Variants in CDH15 observed in about 807,000 individuals in gnomAD.
CDH15 encodes the protein cadherin-15.
Under a neutral mutation model 69.4 loss-of-function variants are expected in CDH15, and 73 were observed. The ratio of observed to expected loss-of-function variants is 1.05; its 90% confidence interval spans 0.87 to 1.28. CDH15 has a LOEUF of 1.28. Ranked by LOEUF, CDH15 falls within the 50% of genes most tolerant of loss-of-function variation. The probability of loss-of-function intolerance (pLI) is 0.00; values close to 1 mark genes in which losing one functional copy is unlikely to be tolerated. For synonymous variants in CDH15, 624 were observed against 507.7 expected (o/e 1.23, Z -3.08); for missense variants, 1,343 against 1,133.6 (o/e 1.18, Z -2.65).
intron 4 of CDH15, among the ~76,000 whole-genome samples, chr16:89,184,963 A>C (rs1251474174): frequency 6.6e-6 from 1 of 152,212 alleles, no homozygotes; most frequent in African/African-American, 2.4e-5. Context: ...GGTGGGCTTC[A>C]GGGGCAGCGG....
Position 89,195,283 on chromosome 16 carries a change from C to G in CDH15, c.*128C>G. 9.8e-7 allele frequency: 1 copy of G among 1,024,178 alleles called. No homozygotes were observed. Among genetic ancestry groups the G allele is most frequent in the Non-Finnish European group, 1.4e-6 (1 of 725,192 alleles). 63.4% of individuals were successfully genotyped at this position (1,024,178 alleles called of 1,614,324 possible). A position where few individuals can be genotyped will look rare whatever the true frequency, so the allele number is the denominator to read the frequency against. On this transcript the variant is annotated 3_prime_UTR_variant, in exon 14 of 14. Transcript: ENST00000289746. ...CAGCCTCCTTCCTGTAGGCGAGGGCCCAAGTCTGGGGGCAGAACCTGAGTG... is the reference window on the plus strand; with the variant it reads ...CAGCCTCCTTCCTGTAGGCGAGGGCGCAAGTCTGGGGGCAGAACCTGAGTG...
At chr16:89,177,535 A>T (rs1026332571) in intron 1 of CDH15, among the ~76,000 whole-genome samples, 2 of 151,760 alleles carry the variant, frequency 1.3e-5, no homozygotes, top group Non-Finnish European at 2.9e-5. Flanking sequence ...AGGACTAGGG[A>T]GGCACAGACA....
chr16:89,191,036 G>T (rs565490169), intron 8 of CDH15, among the ~76,000 whole-genome samples: 1 of 148,830 alleles, frequency 6.7e-6, no homozygotes, highest in South Asian at 2.2e-4. Flanking sequence ...TGGTACATGC[G>T]TGTGGTGTAT....
intron 1 of CDH15, among the ~76,000 whole-genome samples, chr16:89,175,569 G>A (rs1178160327): frequency 6.6e-6 from 1 of 152,234 alleles, no homozygotes; most frequent in African/African-American, 2.4e-5. Context: ...CCAAAGGGGA[G>A]GGGGAGAGGG....
intron 2 of CDH15, 79 bp from the exon 3 acceptor site, chr16:89,180,121 G>C (rs1025982338): frequency 6.0e-6 from 9 of 1,501,206 alleles, no homozygotes; most frequent in Non-Finnish European, 8.2e-6. Context: ...GTCAGCTGGG[G>C]AGGGGCCTGA....
rs775587182 is a variant in CDH15 at position 89,171,922 on chromosome 16, C to A, written c.42+49C>A. The A allele has an allele frequency of 4.8e-5, 73 of 1,512,138 alleles. 1 individual carries two copies. The South Asian group carries it at 8.5e-4, about 18-fold the overall frequency. The allele number at this position is 1,512,138 out of a possible 1,614,324, so 93.7% of individuals were successfully genotyped here. A position where few individuals can be genotyped will look rare whatever the true frequency, so the allele number is the denominator to read the frequency against. On this transcript the variant is annotated intron_variant, in intron 1 of 13. Transcript: ENST00000289746. Reference sequence around the variant, plus strand: ...GTCCCCGCTGCCTCCCTCGACGCTGCGGGACAGTGTCTTCAACTGCAGCCG... The same window carrying A: ...GTCCCCGCTGCCTCCCTCGACGCTGAGGGACAGTGTCTTCAACTGCAGCCG...
At chr16:89,181,344 G>A (rs1041411419) in intron 3 of CDH15, among the ~76,000 whole-genome samples, 1 of 152,192 alleles carries the variant, frequency 6.6e-6, no homozygotes, top group Non-Finnish European at 1.5e-5. Context: ...CGCCGGGCGC[G>A]GTGGCTCACA....
chr16:89,185,376 C>T, intron 5 of CDH15, 43 bp downstream of exon 5: 1 of 1,555,944 alleles, frequency 6.4e-7, no homozygotes, highest in Non-Finnish European at 8.7e-7. Flanking sequence ...ACGGCCAGGG[C>T]AGCCCATCTC....
chr16:89,188,832 A>T (rs915592054), intron 7 of CDH15, among the ~76,000 whole-genome samples: 9 of 91,590 alleles, frequency 9.8e-5, no homozygotes, highest in African/African-American at 4.0e-4. Context: ...ATGCCCACGC[A>T]CAGGTGCCCA....
intron 6 of CDH15, 97 bp downstream of exon 6, chr16:89,187,654 G>A: frequency 6.5e-7 from 1 of 1,534,876 alleles, no homozygotes; most frequent in Non-Finnish European, 8.9e-7. Flanking sequence ...TGATGGGGCA[G>A]GAGGATGGTG....
chr16:89,176,326 C>T (rs1365259787), intron 1 of CDH15, among the ~76,000 whole-genome samples: 2 of 152,164 alleles, frequency 1.3e-5, no homozygotes. Flanking sequence ...CGGGCAGCCT[C>T]GGAGCCAGCA....
chr16:89,194,061 GC>G, intron 13 of CDH15, 148 bp downstream of exon 13: 1 of 987,644 alleles, frequency 1.0e-6, no homozygotes, highest in South Asian at 1.6e-5. Context: ...AAGATGGTGT[GC>G]GGGCGGGAGT....
chr16:89,194,803 G>C, intron 13 of CDH15, 59 bp from the exon 14 acceptor site: 1 of 1,522,488 alleles, frequency 6.6e-7, no homozygotes, highest in Non-Finnish European at 8.9e-7. Flanking sequence ...CTGTGGCCAC[G>C]GCGGTGGGGC....
rs138687760 is a variant in CDH15, at chr16:89,181,334, C to T, written c.357+979C>T. ...GGATTCTCAGAGAAGGGGCAGTGAG[C>T]GCCGGGCGCGGTGGCTCACACAATC... On this transcript the variant is annotated intron_variant, in intron 3 of 13. Transcript: ENST00000289746. 3.0e-4 allele frequency among the ~76,000 whole-genome samples: 46 copies of T among 152,232 alleles called. 1 individual carries two copies. The highest frequency in any genetic ancestry group is 4.1e-4 in the Non-Finnish European group (28 of 68,018).
rs587780299 is a variant in CDH15, at chr16:89,180,225, G to A, written c.227G>A (p.Gly76Asp). 3.7e-6 allele frequency: 6 copies of A among 1,610,666 alleles called. No individual in the cohort carries two copies. In the African/African-American group the frequency reaches 8.0e-5, roughly 22 times the overall value. ...ATCAAGTCGGACAAGCAGCAGCTGG[G>A]CAGCGTCATCTACAGCATCCAGGGA... ...VQIKSDKQQLGSVIYSIQGPG... is the reference protein window; with the variant it reads ...VQIKSDKQQLDSVIYSIQGPG... Residue 76 changes from glycine to aspartate, a missense_variant, in exon 3 of 14, where the codon GGC becomes GAC. Coordinates refer to ENST00000289746, the MANE Select transcript of CDH15 (RefSeq NM_004933.3).
intron 5 of CDH15, chr16:89,186,101 G>A (rs1915479193): frequency 6.8e-6 from 1 of 147,870 alleles, no homozygotes; most frequent in African/African-American, 2.6e-5. Flanking sequence ...CGCACAGTAG[G>A]TGCTCTGTAA....
chr16:89,179,373 C>A lies in CDH15; in HGVS notation c.43-43C>A, dbSNP rs762388654. On this transcript the variant is annotated intron_variant, in intron 1 of 13. Transcript: ENST00000289746. ...CCCAGCTGCACGCTGCCGCCCAGGG[C>A]TCCAGGAGACGGTACTGTGGGACGC... 5.0e-6 allele frequency: 8 copies of A among 1,610,990 alleles called. No individual in the cohort carries two copies. The African/African-American group carries it at 8.0e-5, about 16-fold the overall frequency.
At position 89,193,285 on chromosome 16, in the gene CDH15, G is replaced by A. The variant is rs12920277; in HGVS notation, c.1856-185G>A. Among the ~76,000 whole-genome samples, 14,477 of 111,136 alleles carry A rather than the reference G, an allele frequency of 0.13. 1,540 individuals are homozygous for A. The highest frequency in any genetic ancestry group is 0.18 in the Middle Eastern group (41 of 224). The allele number at this position is 111,136 out of a possible 152,430, so 72.9% of individuals were successfully genotyped here. A position where few individuals can be genotyped will look rare whatever the true frequency, so the allele number is the denominator to read the frequency against. On this transcript the variant is annotated intron_variant, in intron 11 of 13. Coordinates refer to ENST00000289746, the MANE Select transcript of CDH15 (RefSeq NM_004933.3). ...CCGGCCCCCTCCTCCCTAACCTCGC[G>A]GCTTCCTCCCCAACCCCGGCTCCTC...
intron 1 of CDH15, among the ~76,000 whole-genome samples, chr16:89,177,048 C>T (rs1915272813): frequency 6.6e-6 from 1 of 152,150 alleles, no homozygotes; most frequent in South Asian, 2.1e-4. Context: ...GGAGCTGCTG[C>T]CACCCCCACC....
Sources: gnomAD v4.1 joint callset for allele counts (sites outside exome capture counted in the v4.1 genomes callset) on GRCh38, gnomAD v4.1.1 for gene constraint, MANE v1.5 for transcripts, NCBI Gene and HGNC (gene_info 2026-07-23, HGNC 2026-07-21) for gene names.